SNX24: variants seen among roughly 807,000 people sequenced by gnomAD.
The protein encoded by SNX24 is sorting nexin-24.
Under a neutral mutation model 28.7 loss-of-function variants are expected in SNX24, and 22 were observed. The observed-to-expected ratio is 0.77, with a 90% CI of 0.55 to 1.10. SNX24 has a LOEUF of 1.10. Ranked by LOEUF, SNX24 falls within the 50% of genes least tolerant of loss-of-function variation. The pLI is 0.00. For synonymous variants in SNX24, 69 were observed against 71.5 expected, an observed-to-expected ratio of 0.96 and a Z score of 0.18; for missense variants, 221 against 201.1, an observed-to-expected ratio of 1.10 and a Z score of -0.60.
intron 1 of SNX24, among the ~76,000 whole-genome samples, chr5:122,912,734 GT>G (rs71223068): frequency 0.035 from 4,758 of 136,860 alleles, 131 homozygotes; most frequent in African/African-American, 0.09. Flanking sequence ...AATCATGTGG[GT>G]TTTTTTTTTT....
At chr5:123,023,717 G>T in intron 5 of SNX24, 1 of 1,176,956 alleles carries the variant, frequency 8.5e-7, no homozygotes, top group East Asian at 2.9e-5. Flanking sequence ...ACTAAAGGGT[G>T]ACGGTTTGAT....
At chr5:122,909,356 C>T (rs1050265478) in intron 1 of SNX24, among the ~76,000 whole-genome samples, 1 of 152,142 alleles carries the variant, frequency 6.6e-6, no homozygotes, top group African/African-American at 2.4e-5. Context: ...TAAGTCCTCA[C>T]GGAGAAAGTG....
chr5:123,028,685 G>T, intron 5 of SNX24: 1 of 1,044,890 alleles, frequency 9.6e-7, no homozygotes, highest in Non-Finnish European at 1.4e-6. Context: ...GTGTTCCTTA[G>T]CTCTGGATTT....
At chr5:123,011,836 A>G (rs1372341545), downstream of SNX24, among the ~76,000 whole-genome samples, 13 of 152,198 alleles carry the variant, frequency 8.5e-5, no homozygotes, top group Admixed American at 8.5e-4. Flanking sequence ...TATATACCTA[A>G]AAGAAGAAAG....
At chr5:122,977,471 G>T (rs1330365647) in intron 3 of SNX24, among the ~76,000 whole-genome samples, 3 of 152,138 alleles carry the variant, frequency 2.0e-5, no homozygotes, top group African/African-American at 7.2e-5. Context: ...CAAAACTTTG[G>T]CAGCATTGAT....
chr5:122,898,739 T>C (rs991844869), intron 1 of SNX24, among the ~76,000 whole-genome samples: 1 of 152,244 alleles, frequency 6.6e-6, no homozygotes, highest in African/African-American at 2.4e-5. Context: ...GATACTGTTT[T>C]CTACCCAGAG....
At chr5:122,861,185 C>CA (rs1407473611) in intron 1 of SNX24, among the ~76,000 whole-genome samples, 2 of 151,958 alleles carry the variant, frequency 1.3e-5, no homozygotes, top group Non-Finnish European at 2.9e-5. Flanking sequence ...ACTAAAAATA[C>CA]AAAAACTAGC....
exon 6 of SNX24, chr5:123,029,243 A>T: frequency 6.2e-7 from 1 of 1,613,508 alleles, no homozygotes. Flanking sequence ...CTCAGATGAC[A>T]TCTTTATATT....
At chr5:122,901,961 A>G (rs1757466107) in intron 1 of SNX24, among the ~76,000 whole-genome samples, 1 of 152,166 alleles carries the variant, frequency 6.6e-6, no homozygotes, top group African/African-American at 2.4e-5. Flanking sequence ...AACAAACAAT[A>G]TTCTTTTGTC....
intron 1 of SNX24, among the ~76,000 whole-genome samples, chr5:122,910,059 T>TA (rs1757815640): frequency 6.6e-6 from 1 of 152,210 alleles, no homozygotes; most frequent in African/African-American, 2.4e-5. Context: ...CATCACTTTA[T>TA]TATTAGGAGT....
intron 1 of SNX24, among the ~76,000 whole-genome samples, chr5:122,854,865 C>T (rs560889796): frequency 1.3e-5 from 2 of 152,236 alleles, no homozygotes; most frequent in African/African-American, 2.4e-5. Context: ...TAAATGTTTA[C>T]ACTACACTAT....
intron 3 of SNX24, among the ~76,000 whole-genome samples, chr5:122,997,886 G>A (rs912681821): frequency 3.9e-5 from 6 of 151,938 alleles, no homozygotes; most frequent in African/African-American, 1.5e-4. Context: ...TACAAATTAG[G>A]CTTTATTATT....
intron 1 of SNX24, among the ~76,000 whole-genome samples, chr5:122,926,513 T>C (rs1758700518): frequency 6.6e-6 from 1 of 152,138 alleles, no homozygotes; most frequent in Admixed American, 6.5e-5. Flanking sequence ...GGCTCATGTT[T>C]TGGAAGACAG....
At chr5:122,859,698 G>A (rs769928071) in intron 1 of SNX24, among the ~76,000 whole-genome samples, 10 of 152,258 alleles carry the variant, frequency 6.6e-5, no homozygotes, top group African/African-American at 1.9e-4. Flanking sequence ...ACCATGGCCC[G>A]TGACACAGCC....
chr5:122,985,155 G>A (rs1182386826), intron 3 of SNX24, among the ~76,000 whole-genome samples: 1 of 152,182 alleles, frequency 6.6e-6, no homozygotes, highest in East Asian at 1.9e-4. Flanking sequence ...ATCATCTCAT[G>A]TCATGACCGT....
At chr5:122,974,575 C>T (rs1761092571) in intron 3 of SNX24, among the ~76,000 whole-genome samples, 1 of 152,194 alleles carries the variant, frequency 6.6e-6, no homozygotes, top group African/African-American at 2.4e-5. Context: ...TTAATTTGCT[C>T]AGGCAATGAA....
intron 1 of SNX24, among the ~76,000 whole-genome samples, chr5:122,908,640 A>G (rs184743519): frequency 6.6e-6 from 1 of 152,290 alleles, no homozygotes; most frequent in African/African-American, 2.4e-5. Context: ...ATTTCTACCC[A>G]TTTTTTCCAA....
rs1212751253 is a variant in SNX24, at chr5:123,001,474, T to C, written c.377+37T>C. Reference sequence around the variant, plus strand: ...TCCTCATCAGCCAGGAATAGGATTATGGTTTTGCTAAATGTTTAATCACCT... The same window carrying C: ...TCCTCATCAGCCAGGAATAGGATTACGGTTTTGCTAAATGTTTAATCACCT... On this transcript the variant is annotated intron_variant, in intron 5 of 6. Coordinates refer to ENST00000261369, the MANE Select transcript of SNX24 (RefSeq NM_014035.4). The C allele has an allele frequency of 7.5e-6, 11 of 1,457,278 alleles. No homozygotes were observed. In the Admixed American group the frequency reaches 1.8e-4, roughly 24 times the overall value. The allele number at this position is 1,457,278 out of a possible 1,614,324, so 90.3% of individuals were successfully genotyped here.
intron 3 of SNX24, among the ~76,000 whole-genome samples, chr5:122,981,258 A>G (rs931247219): frequency 1.3e-5 from 2 of 152,156 alleles, no homozygotes; most frequent in East Asian, 3.9e-4. Flanking sequence ...AGTCCTCCCC[A>G]TTCTCTTGAC....
Sources: allele counts gnomAD v4.1 joint callset (sites outside exome capture counted in the v4.1 genomes callset), GRCh38; gene constraint gnomAD v4.1.1; transcripts MANE v1.5; gene names NCBI Gene and HGNC (gene_info 2026-07-23, HGNC 2026-07-21).